Variants in TMEM230 observed in about 807,000 individuals in gnomAD.
TMEM230 encodes the protein transmembrane protein 230, also known as UPF0414 transmembrane protein C20orf30.
Under a neutral mutation model 15.8 loss-of-function variants are expected in TMEM230, and 10 were observed. The ratio of observed to expected loss-of-function variants is 0.63; its 90% CI spans 0.39 to 1.07. The LOEUF is 1.07. TMEM230 is among the 50% of genes least tolerant of loss of function. The pLI, the probability that TMEM230 is intolerant of heterozygous loss-of-function variation, is 0.01. For missense variants in TMEM230, 165 were observed against 193.3 expected (o/e 0.85, Z 0.87); for synonymous variants, 67 against 76.9 (o/e 0.87, Z 0.68).
chr20:5,094,252 T>C (rs2089598871), intron 3 of TMEM230, among the ~76,000 whole-genome samples: 1 of 150,800 alleles, frequency 6.6e-6, no homozygotes, highest in Non-Finnish European at 1.5e-5. Flanking sequence ...CCACCGTACC[T>C]GGCCTTTTTA....
chr20:5,077,340 A>T (rs940647453), intron 3 of TMEM230, among the ~76,000 whole-genome samples: 28 of 152,116 alleles, frequency 1.8e-4, no homozygotes, highest in African/African-American at 6.5e-4. Context: ...AAAACCAAAC[A>T]TTTACTGAGT....
In TMEM230 at chr20:5,080,393, CTG is replaced by C. The variant is rs2089145677; in HGVS notation, c.223-11046_223-11045del. 2.0e-5 allele frequency among the ~76,000 whole-genome samples: 3 copies of C among 152,124 alleles called. No individual in the cohort carries two copies. The South Asian group carries it at 6.2e-4, about 31-fold the overall frequency. On this transcript the variant is annotated intron_variant, in intron 3 of 3. Transcript: ENST00000612323. The stretch of plus-strand genomic sequence containing the variant: ...ATTTCTACAGCAAGACTGAAAGTTG[CTG>C]TGTTAACTGATACAATTTAATTTCT...
At chr20:5,081,940 C>G (rs2089192087) in intron 3 of TMEM230, among the ~76,000 whole-genome samples, 2 of 146,412 alleles carry the variant, frequency 1.4e-5, no homozygotes, top group East Asian at 3.9e-4. Flanking sequence ...GTGGTGCAAT[C>G]TCGGCTCACT....
intron 3 of TMEM230, among the ~76,000 whole-genome samples, chr20:5,090,879 A>C (rs971614486): frequency 6.6e-6 from 1 of 152,196 alleles, no homozygotes; most frequent in Non-Finnish European, 1.5e-5. Context: ...AATGGTAATA[A>C]AAATATTTCA....
chr20:5,097,969 A>ATT (rs5840073), downstream of TMEM230, among the ~76,000 whole-genome samples: 997 of 67,252 alleles, frequency 0.015, 186 homozygotes, highest in East Asian at 0.077. Flanking sequence ...CTAACTCAGG[A>ATT]TTTTTTTTTT....
In TMEM230 at chr20:5,113,060, C is replaced by A; in HGVS notation, c.-32G>T. On this transcript the variant is annotated 5_prime_UTR_variant, in exon 1 of 5. Transcript: ENST00000342308. ...GCCCGCTTAAGTGCCACTCAGCCGG[C>A]CCCAGGCGGGATCAGTGCGCCGGAA... The A allele has an allele frequency of 6.5e-7, 1 of 1,541,264 alleles. No individual in the cohort carries two copies. Among genetic ancestry groups the A allele is most frequent in the Non-Finnish European group, 8.7e-7 (1 of 1,145,900 alleles).
chr20:5,062,632 G>A, the TMEM230 span, among the ~76,000 whole-genome samples: 1 of 152,034 alleles, frequency 6.6e-6, no homozygotes, highest in Non-Finnish European at 1.5e-5. Flanking sequence ...GTGTGGTGGT[G>A]CATGCTTGTA....
At chr20:5,110,638 T>A (rs2090275455) in intron 2 of TMEM230, among the ~76,000 whole-genome samples, 1 of 152,204 alleles carries the variant, frequency 6.6e-6, no homozygotes, top group Non-Finnish European at 1.5e-5. Flanking sequence ...CCCACCTCTC[T>A]GTCCCATCCC....
chr20:5,065,894 G>A (rs1005571953), downstream of TMEM230, among the ~76,000 whole-genome samples: 3 of 152,184 alleles, frequency 2.0e-5, no homozygotes, highest in Non-Finnish European at 4.4e-5. Context: ...CGAGGAGTGG[G>A]CTGCACTGGA....
chr20:5,094,630 A>T (rs943694964), intron 3 of TMEM230, among the ~76,000 whole-genome samples: 3 of 142,992 alleles, frequency 2.1e-5, no homozygotes, highest in Non-Finnish European at 4.5e-5. Context: ...TAGCTTGAAC[A>T]TGTGAGGCAG....
At chr20:5,063,258 C>G (rs986065092), downstream of TMEM230, among the ~76,000 whole-genome samples, 2 of 143,426 alleles carry the variant, frequency 1.4e-5, no homozygotes, top group Non-Finnish European at 1.5e-5. Context: ...CAACAGGAAT[C>G]ACTAAGTAGC....
intron 3 of TMEM230, chr20:5,069,364 C>T (rs1037366780): frequency 6.6e-7 from 1 of 1,521,556 alleles, no homozygotes; most frequent in African/African-American, 1.4e-5. Flanking sequence ...GAAAGAAACA[C>T]CCCTTCTCAA....
At chr20:5,060,494 G>A in the TMEM230 span, among the ~76,000 whole-genome samples, 12 of 151,878 alleles carry the variant, frequency 7.9e-5, no homozygotes, top group East Asian at 1.6e-3. Context: ...AGACCACGAC[G>A]CCCAGCTAGT....
chr20:5,092,599 C>T (rs1303469557), intron 3 of TMEM230, among the ~76,000 whole-genome samples: 1 of 151,806 alleles, frequency 6.6e-6, no homozygotes, highest in Non-Finnish European at 1.5e-5. Flanking sequence ...GCCTGTAATC[C>T]CAGCTACTTG....
intron 3 of TMEM230, among the ~76,000 whole-genome samples, chr20:5,087,006 T>A (rs2089360539): frequency 6.6e-6 from 1 of 152,162 alleles, no homozygotes. Context: ...TCCAAGTCGC[T>A]GGGACTTCAG....
intron 1 of TMEM230, among the ~76,000 whole-genome samples, chr20:5,112,186 ATAAT>A (rs1388648815): frequency 2.1e-4 from 32 of 152,380 alleles, no homozygotes; most frequent in African/African-American, 7.5e-4. Context: ...AATAACTAGC[ATAAT>A]TAAATAATTG....
downstream of TMEM230, among the ~76,000 whole-genome samples, chr20:5,064,794 A>G (rs958183707): frequency 2.6e-5 from 4 of 152,184 alleles, no homozygotes; most frequent in Non-Finnish European, 4.4e-5. Flanking sequence ...GAAAAAGGTG[A>G]TCAAAGAAAA....
At chr20:5,107,868 T>C (rs375964013) in intron 3 of TMEM230, among the ~76,000 whole-genome samples, 18 of 150,856 alleles carry the variant, frequency 1.2e-4, no homozygotes, top group African/African-American at 4.1e-4. Context: ...TTCCAGCGCT[T>C]TGGGAGGCCG....
chr20:5,089,868 A>G (rs896972916), intron 3 of TMEM230, among the ~76,000 whole-genome samples: 1 of 151,742 alleles, frequency 6.6e-6, no homozygotes, highest in Non-Finnish European at 1.5e-5. Context: ...ACAATACAAA[A>G]ATTAGCCAGG....
Sources: allele counts gnomAD v4.1 joint callset (sites outside exome capture counted in the v4.1 genomes callset), GRCh38; gene constraint gnomAD v4.1.1; transcripts MANE v1.5; gene names NCBI Gene and HGNC (gene_info 2026-07-23, HGNC 2026-07-21).